Variants in SLC12A6 observed in about 807,000 individuals in gnomAD.
The protein encoded by SLC12A6 is K-Cl cotransporter 3.
Under a neutral mutation model 135.3 loss-of-function variants are expected in SLC12A6, and 66 were observed. That is an observed-to-expected ratio of 0.49 (90% CI 0.40 to 0.60). The LOEUF (loss-of-function observed/expected upper bound fraction) is 0.60. SLC12A6 is among the 20% of genes least tolerant of loss of function. The pLI, the probability that SLC12A6 is intolerant of heterozygous loss-of-function variation, is 0.00. For missense variants in SLC12A6, 1,058 were observed against 1,452.3 expected, an observed-to-expected ratio of 0.73 and a Z score of 4.41; for synonymous variants, 513 against 508.8, an observed-to-expected ratio of 1.01 and a Z score of -0.11.
At chr15:34,312,350 A>G (rs1473575734) in intron 2 of SLC12A6, among the ~76,000 whole-genome samples, 1 of 152,242 alleles carries the variant, frequency 6.6e-6, no homozygotes, top group African/African-American at 2.4e-5. Flanking sequence ...TGTTTGGTGA[A>G]TAAAAAAGGC....
chr15:34,261,808 G>C (rs1332488518), intron 3 of SLC12A6, among the ~76,000 whole-genome samples: 1 of 152,104 alleles, frequency 6.6e-6, no homozygotes, highest in Non-Finnish European at 1.5e-5. Context: ...TCAGTGATGA[G>C]CATTTCACAC....
chr15:34,284,710 G>T (rs1412325965), intron 2 of SLC12A6, among the ~76,000 whole-genome samples: 1 of 152,084 alleles, frequency 6.6e-6, no homozygotes, highest in African/African-American at 2.4e-5. Context: ...TTAAATTTTA[G>T]TGGAGAAAAA....
In SLC12A6 at chr15:34,236,563, T is replaced by C. The variant is rs561413133; in HGVS notation, c.3042+145A>G. On this transcript the variant is annotated intron_variant, in intron 23 of 25. Transcript: ENST00000354181. ...TTCACCATCTTGGCCAGGCTGGTCT[T>C]GAACTCCTGACCTCTTGATCCACCC... The C allele has an allele frequency of 1.2e-4, 80 of 678,772 alleles. 2 individuals carry two copies. Among genetic ancestry groups the C allele is most frequent in the South Asian group, 1.1e-3 (75 of 67,848 alleles). 42.0% of individuals were successfully genotyped at this position (678,772 alleles called of 1,614,324 possible).
chr15:34,241,419 A>G (rs867013165), intron 17 of SLC12A6, 82 bp from the exon 18 acceptor site: 1 of 750,276 alleles, frequency 1.3e-6, no homozygotes. Context: ...TTCTGAATCT[A>G]AAAATCACAC....
intron 3 of SLC12A6, among the ~76,000 whole-genome samples, chr15:34,265,395 C>A (rs1170182369): frequency 7.9e-6 from 1 of 125,884 alleles, no homozygotes. Flanking sequence ...AAAACAACAA[C>A]AGCAATTAAA....
intron 2 of SLC12A6, among the ~76,000 whole-genome samples, chr15:34,333,478 G>A (rs12101684): frequency 6.6e-6 from 1 of 151,824 alleles, no homozygotes; most frequent in Non-Finnish European, 1.5e-5. Flanking sequence ...GAATCCACCC[G>A]CCTCGGCCTC....
At chr15:34,251,568 C>G (rs1892397937) in intron 10 of SLC12A6, among the ~76,000 whole-genome samples, 1 of 152,122 alleles carries the variant, frequency 6.6e-6, no homozygotes, top group Non-Finnish European at 1.5e-5. Flanking sequence ...TCTTTCTTAT[C>G]TAATTTAAAT....
At chr15:34,267,306 A>T (rs1893594998) in intron 3 of SLC12A6, among the ~76,000 whole-genome samples, 2 of 151,292 alleles carry the variant, frequency 1.3e-5, no homozygotes, top group Non-Finnish European at 2.9e-5. Context: ...ATTTGAGTCG[A>T]TGTACAAGTT....
At chr15:34,321,764 G>T (rs916177545) in intron 2 of SLC12A6, among the ~76,000 whole-genome samples, 23 of 152,126 alleles carry the variant, frequency 1.5e-4, no homozygotes, top group African/African-American at 5.6e-4. Flanking sequence ...TCATACAAAG[G>T]ATTACTATTC....
chr15:34,319,149 T>TG lies in SLC12A6; in HGVS notation c.271+17260dup, dbSNP rs1374146274. The stretch of plus-strand genomic sequence containing the variant: ...AGTTAACTTTTTTTTTTTTTTTTTT[T>TG]GAGACAGGGTCTCGCTCGCCCTGTT... On this transcript the variant is annotated intron_variant, in intron 2 of 25. Transcript: ENST00000354181. Among the ~76,000 whole-genome samples the TG allele has an allele frequency of 9.4e-5, 14 of 149,316 alleles. 1 individual carries two copies. Among genetic ancestry groups the TG allele is most frequent in the African/African-American group, 3.3e-4 (13 of 39,612 alleles).
chr15:34,335,121 G>A (rs1178941170), intron 2 of SLC12A6, among the ~76,000 whole-genome samples: 1 of 152,194 alleles, frequency 6.6e-6, no homozygotes, highest in East Asian at 1.9e-4. Context: ...GGAGGAAGAG[G>A]AAATGATAAA....
rs74010036 is a variant in SLC12A6 at position 34,245,416 on chromosome 15, G to A, written c.1825-13C>T. The A allele has an allele frequency of 0.12, 166,145 of 1,441,302 alleles. 10,102 individuals carry two copies. Among genetic ancestry groups the A allele is most frequent in the South Asian group, 0.15 (13,112 of 87,694 alleles). 89.3% of individuals were successfully genotyped at this position (1,441,302 alleles called of 1,614,324 possible). ...TGTGGCCAAAAACCTGTACACAGAA[G>A]GGAAATATCAGGCACAGGAGTACTG... On this transcript the variant is annotated splice_polypyrimidine_tract_variant and intron_variant, in intron 14 of 25. Coordinates refer to ENST00000354181, the MANE Select transcript of SLC12A6 (RefSeq NM_001365088.1).
At chr15:34,267,640 G>A (rs986106100) in intron 3 of SLC12A6, among the ~76,000 whole-genome samples, 1 of 152,350 alleles carries the variant, frequency 6.6e-6, no homozygotes. Context: ...CTTGAGGGCA[G>A]GAGTTTGAGA....
At chr15:34,239,629 T>C (rs1891505923) in intron 19 of SLC12A6, among the ~76,000 whole-genome samples, 1 of 152,232 alleles carries the variant, frequency 6.6e-6, no homozygotes, top group Non-Finnish European at 1.5e-5. Flanking sequence ...CTTTTTCGCC[T>C]CTCCCATTCC....
chr15:34,242,043 TA>T, intron 17 of SLC12A6, 58 bp downstream of exon 17: 2 of 1,396,892 alleles, frequency 1.4e-6, no homozygotes, highest in East Asian at 2.3e-5. Context: ...GAGCTGGCTC[TA>T]ACCAAACTAG....
intron 2 of SLC12A6, among the ~76,000 whole-genome samples, chr15:34,310,174 A>AGTGTGT (rs60783164): frequency 0.053 from 6,723 of 127,722 alleles, 297 homozygotes; most frequent in East Asian, 0.087. Flanking sequence ...ACGCCCAGCT[A>AGTGTGT]GTGTGTGTGT....
chr15:34,308,630 CAAAAAA>C (rs536506096), intron 2 of SLC12A6, among the ~76,000 whole-genome samples: 1 of 63,336 alleles, frequency 1.6e-5, no homozygotes, highest in Non-Finnish European at 3.3e-5. Context: ...GTCCACCTGA[CAAAAAA>C]AAAAAAAAAA....
intron 2 of SLC12A6, among the ~76,000 whole-genome samples, chr15:34,331,388 G>A (rs753418622): frequency 3.3e-5 from 5 of 152,130 alleles, no homozygotes; most frequent in African/African-American, 1.2e-4. Context: ...TGATCCGCCC[G>A]CCTTGGCCTC....
intron 3 of SLC12A6, among the ~76,000 whole-genome samples, chr15:34,269,564 A>G (rs1893769046): frequency 6.6e-6 from 1 of 152,184 alleles, no homozygotes; most frequent in Non-Finnish European, 1.5e-5. Flanking sequence ...CTATGTGACT[A>G]TGTGAATCTG....
Sources: gnomAD v4.1 joint callset for allele counts (sites outside exome capture counted in the v4.1 genomes callset) on GRCh38, gnomAD v4.1.1 for gene constraint, MANE v1.5 for transcripts, NCBI Gene and HGNC (gene_info 2026-07-23, HGNC 2026-07-21) for gene names.